UBN2: variants seen among roughly 807,000 people sequenced by gnomAD.
UBN2 encodes the protein ubinuclein 2, also known as ubinuclein-2.
Under a neutral mutation model 120.2 loss-of-function variants are expected in UBN2, and 35 were observed. The ratio of observed to expected loss-of-function variants is 0.29; its 90% CI spans 0.22 to 0.39. The LOEUF (loss-of-function observed/expected upper bound fraction) is 0.39, where lower values mean the gene tolerates loss of function less well. Ranked by LOEUF, UBN2 falls within the 10% of genes least tolerant of loss-of-function variation. The pLI is 1.00. For missense variants in UBN2, 1,693 were observed against 1,663.2 expected (o/e 1.02, Z -0.31); for synonymous variants, 661 against 648.7 (o/e 1.02, Z -0.29).
intron 1 of UBN2, among the ~76,000 whole-genome samples, chr7:139,234,224 T>G (rs1275422063): frequency 6.6e-6 from 1 of 152,088 alleles, no homozygotes; most frequent in Non-Finnish European, 1.5e-5. Flanking sequence ...TCCACATTTT[T>G]GAAATAGCCA....
rs1285264601 is a variant in UBN2 at position 139,307,972 on chromosome 7, G to T, written c.*10136G>T. On this transcript the variant is annotated 3_prime_UTR_variant, in exon 18 of 18. Transcript: ENST00000473989. ...TAAACATTCCTAAATATGGACCTGT[G>T]AATTTAGTAAATTACCCCCATGAAT... 1 of 150,386 alleles carries T rather than the reference G, an allele frequency of 6.6e-6. No homozygotes were observed. The highest frequency in any genetic ancestry group is 2.4e-5 in the African/African-American group (1 of 40,968). The allele number at this position is 150,386 out of a possible 1,614,324, so 9.3% of individuals were successfully genotyped here. A position where few individuals can be genotyped will look rare whatever the true frequency, so the allele number is the denominator to read the frequency against.
intron 9 of UBN2, among the ~76,000 whole-genome samples, chr7:139,272,711 G>C (rs1797319382): frequency 6.6e-6 from 1 of 152,096 alleles, no homozygotes; most frequent in Non-Finnish European, 1.5e-5. Flanking sequence ...ATTTTTAGTA[G>C]AGACAGGGTT....
rs567583243 is a variant in UBN2, at chr7:139,293,990, G to A, written c.3994+9G>A. 21 of 1,612,512 alleles carry A rather than the reference G, an allele frequency of 1.3e-5. No homozygotes were observed. The highest frequency in any genetic ancestry group is 1.1e-4 in the South Asian group (10 of 91,048). On this transcript the variant is annotated intron_variant, in intron 17 of 17. Transcript: ENST00000473989. ...ACAGCAAGCATTTCACGGTGAGAACGCCACCTCCTTCATCTCTTTCTTATT... is the reference window on the plus strand; with the variant it reads ...ACAGCAAGCATTTCACGGTGAGAACACCACCTCCTTCATCTCTTTCTTATT...
chr7:139,253,699 A>G (rs1476684015), intron 3 of UBN2, among the ~76,000 whole-genome samples: 4 of 152,236 alleles, frequency 2.6e-5, no homozygotes, highest in African/African-American at 9.6e-5. Flanking sequence ...ATCACATAAC[A>G]AATGAAAGAC....
At chr7:139,272,251 C>A in intron 8 of UBN2, 71 bp from the exon 9 acceptor site, 1 of 1,075,016 alleles carries the variant, frequency 9.3e-7, no homozygotes, top group Non-Finnish European at 1.4e-6. Context: ...TAAATTTTAT[C>A]TTTTGAGGAC....
rs535696835 is a variant in UBN2 at position 139,283,567 on chromosome 7, C to A, written c.2662C>A (p.His888Asn). The change falls in exon 15 of 18, where the codon CAC (histidine) becomes AAC (asparagine). Residue 888 changes from histidine to asparagine, a missense_variant. Coordinates refer to ENST00000473989, the MANE Select transcript of UBN2 (RefSeq NM_173569.4). ...QQGLQRSSQI[H>N]TSSSSQTHVS... The stretch of plus-strand genomic sequence containing the variant: ...AGGACTTCAGAGGTCAAGCCAGATT[C>A]ACACTTCTTCCTCTTCACAGACCCA... The A allele has an allele frequency of 6.2e-7, 1 of 1,614,180 alleles. No homozygotes were observed. Among genetic ancestry groups the A allele is most frequent in the Non-Finnish European group, 8.5e-7 (1 of 1,180,034 alleles).
rs1796934463 is a variant in UBN2 at position 139,261,579 on chromosome 7, A to G, written c.1233A>G (p.Leu411=). 2 of 1,614,238 alleles carry G rather than the reference A, an allele frequency of 1.2e-6. No homozygotes were observed. The highest frequency in any genetic ancestry group is 8.5e-7 in the Non-Finnish European group (1 of 1,180,042). Residue 411 remains leucine, a synonymous_variant, in exon 6 of 18, where the codon TTA becomes TTG. Transcript: ENST00000473989. ...EMLDDFDFDR[L]LDAASDGSPL... is the part of the protein sequence containing the mutation. ...TAGATGATTTTGACTTCGACAGATT[A>G]CTGGATGCTGCTTCTGATGGTAGCC...
intron 7 of UBN2, among the ~76,000 whole-genome samples, chr7:139,268,888 A>C (rs1385219360): frequency 6.6e-6 from 1 of 152,206 alleles, no homozygotes; most frequent in Non-Finnish European, 1.5e-5. Context: ...GATTGATAGA[A>C]TACTTTTATA....
rs1173800371 is a variant in UBN2 at position 139,287,169 on chromosome 7, T to G, written c.3669+2595T>G. Among the ~76,000 whole-genome samples the G allele has an allele frequency of 2.6e-5, 4 of 152,190 alleles. No individual in the cohort carries two copies. In the East Asian group the frequency reaches 5.8e-4, roughly 22 times the overall value. On this transcript the variant is annotated intron_variant, in intron 15 of 17. Coordinates refer to ENST00000473989, the MANE Select transcript of UBN2 (RefSeq NM_173569.4). ...TACTGTTTATTAAATAGTTTACTCT[T>G]CTTAAAATTAATTCTTAATTTGATC...
chr7:139,291,906 A>T (rs897377308), intron 15 of UBN2, among the ~76,000 whole-genome samples: 1 of 152,148 alleles, frequency 6.6e-6, no homozygotes, highest in African/African-American at 2.4e-5. Context: ...AATGGAAAAA[A>T]ATGATTTAAT....
intron 5 of UBN2, among the ~76,000 whole-genome samples, chr7:139,260,902 G>A (rs913339361): frequency 1.6e-4 from 25 of 152,192 alleles, no homozygotes; most frequent in Non-Finnish European, 4.4e-5. Context: ...AACAGTGACT[G>A]AAACACGGGG....
chr7:139,283,157 G>T lies in UBN2; in HGVS notation c.2252G>T (p.Cys751Phe). The change falls in exon 15 of 18, where the codon TGC becomes TTC. Residue 751 changes from cysteine to phenylalanine, a missense_variant. Cys to Phe is a radical substitution (Grantham distance 205, BLOSUM62 -2). Around this residue, in one of 5 missense-constraint regions of UBN2, gnomAD observed 837 missense variants for 817.6 expected, o/e 1.02. Coordinates refer to ENST00000473989, the MANE Select transcript of UBN2 (RefSeq NM_173569.4). ...SSSAPAQETI[C>F]LDDSLDEDLS... ...TCTGCACCAGCCCAAGAAACCATCT[G>T]CCTCGACGACTCACTAGATGAAGAC... 6.2e-7 allele frequency: 1 copy of T among 1,611,974 alleles called. No individual in the cohort carries two copies.
Position 139,258,564 on chromosome 7 carries a change from G to A in UBN2, c.740G>A (p.Arg247His), listed in dbSNP as rs757108976. 5 of 1,606,180 alleles carry A rather than the reference G, an allele frequency of 3.1e-6. No individual in the cohort carries two copies. The highest frequency in any genetic ancestry group is 2.2e-5 in the East Asian group (1 of 44,750). ...FYINTGTLQF[R>H]QASDTEEDDI... is the part of the protein sequence containing the mutation. ...ATCAACACTGGCACTCTACAGTTTCGCCAAGCTTCAGATACTGAAGAAGAT... is the reference window on the plus strand; with the variant it reads ...ATCAACACTGGCACTCTACAGTTTCACCAAGCTTCAGATACTGAAGAAGAT... Residue 247 changes from arginine (R) to histidine (H), a missense_variant, in exon 4 of 18, where the codon CGC becomes CAC. Arg to His is a conservative substitution (Grantham distance 29). Transcript: ENST00000473989.
chr7:139,298,974 A>G lies in UBN2; in HGVS notation c.*1138A>G, dbSNP rs910690305. ...ATCACATTAGGATCACAATCACGAC[A>G]TATTTTTACTCCCTGTATCCAGTGT... is the stretch of plus-strand genomic sequence containing the variant. On this transcript the variant is annotated 3_prime_UTR_variant, in exon 18 of 18. Coordinates refer to ENST00000473989, the MANE Select transcript of UBN2 (RefSeq NM_173569.4). The G allele has an allele frequency of 6.6e-6, 1 of 152,158 alleles. No individual in the cohort carries two copies. Among genetic ancestry groups the G allele is most frequent in the East Asian group, 1.9e-4 (1 of 5,192 alleles). The allele number at this position is 152,158 out of a possible 1,614,324, so 9.4% of individuals were successfully genotyped here.
intron 8 of UBN2, among the ~76,000 whole-genome samples, chr7:139,271,335 C>T (rs1047211678): frequency 3.9e-5 from 6 of 152,038 alleles, no homozygotes; most frequent in African/African-American, 7.2e-5. Flanking sequence ...GCCTGTAATC[C>T]GAGCACTTTG....
intron 8 of UBN2, among the ~76,000 whole-genome samples, chr7:139,270,710 A>C (rs77392951): frequency 0.07 from 10,592 of 152,100 alleles, 705 homozygotes; most frequent in Admixed American, 0.2. Flanking sequence ...CTTCAAAAGT[A>C]ATCATCTAGG....
chr7:139,313,268 A>T, the UBN2 span, among the ~76,000 whole-genome samples: 6 of 152,014 alleles, frequency 3.9e-5, no homozygotes, highest in South Asian at 1.2e-3. Context: ...TAAGTTACAG[A>T]TTTTTTTTGT....
intron 1 of UBN2, among the ~76,000 whole-genome samples, chr7:139,233,885 T>C (rs974681766): frequency 2.0e-5 from 3 of 152,120 alleles, no homozygotes; most frequent in Admixed American, 2.0e-4. Context: ...ATTTAATTTT[T>C]CTGTATACTT....
At chr7:139,294,027 A>G (rs1298070309) in intron 17 of UBN2, 46 bp downstream of exon 17, 1 of 1,562,048 alleles carries the variant, frequency 6.4e-7, no homozygotes, top group Non-Finnish European at 8.8e-7. Context: ...GTATAGGCTT[A>G]TAGATATGGA....
Sources: allele counts gnomAD v4.1 joint callset (sites outside exome capture counted in the v4.1 genomes callset), GRCh38; gene constraint gnomAD v4.1.1; regional missense constraint gnomAD v4.1.1; transcripts MANE v1.5; gene names NCBI Gene and HGNC (gene_info 2026-07-23, HGNC 2026-07-21).